SHANK2: variants seen among roughly 807,000 people sequenced by gnomAD.
SHANK2 encodes the protein SH3 and multiple ankyrin repeat domains 2.
In SHANK2, 43 loss-of-function variants were observed where a neutral mutation model predicts 133.7. The observed-to-expected ratio is 0.32, with a 90% confidence interval of 0.25 to 0.41. SHANK2 has a LOEUF of 0.41. SHANK2 is among the 10% of genes least tolerant of loss of function. The probability of loss-of-function intolerance (pLI) is 1.00; values close to 1 mark genes in which losing one functional copy is unlikely to be tolerated. For missense variants in SHANK2, 1,994 were observed against 2,235.8 expected (o/e 0.89, Z 2.18); for synonymous variants, 1,017 against 952.8 (o/e 1.07, Z -1.24).
intron 10 of SHANK2, among the ~76,000 whole-genome samples, chr11:70,953,783 T>A (rs1237709333): frequency 2.6e-5 from 4 of 152,130 alleles, no homozygotes; most frequent in Non-Finnish European, 5.9e-5. Context: ...TACTTGACCA[T>A]CCCTGCGGGC....
At chr11:70,827,733 A>AAC (rs1565345964) in intron 11 of SHANK2, among the ~76,000 whole-genome samples, 2 of 149,660 alleles carry the variant, frequency 1.3e-5, no homozygotes, top group Non-Finnish European at 3.0e-5. Context: ...ACACACAACC[A>AAC]GAGAAAGACG....
chr11:71,089,879 A>G (rs993881040), intron 8 of SHANK2, among the ~76,000 whole-genome samples: 23 of 152,176 alleles, frequency 1.5e-4, no homozygotes, highest in Admixed American at 3.3e-4. Context: ...GTTGGTTGAC[A>G]AAGGGGGAAG....
intron 11 of SHANK2, among the ~76,000 whole-genome samples, chr11:70,848,331 G>A (rs371053454): frequency 1.3e-5 from 2 of 152,214 alleles, no homozygotes; most frequent in East Asian, 1.9e-4. Flanking sequence ...ATTGTGGGGT[G>A]GGGGGTTTGA....
chr11:70,901,520 C>G (rs1397216014), intron 10 of SHANK2, among the ~76,000 whole-genome samples: 3 of 152,200 alleles, frequency 2.0e-5, no homozygotes, highest in Non-Finnish European at 4.4e-5. Flanking sequence ...GAACTCTGCT[C>G]TCTACAGCTC....
At chr11:70,913,541 C>G (rs1249179370) in intron 10 of SHANK2, among the ~76,000 whole-genome samples, 1 of 152,056 alleles carries the variant, frequency 6.6e-6, no homozygotes, top group Non-Finnish European at 1.5e-5. Flanking sequence ...GGGAGGGAGA[C>G]CAAGAGGGAA....
At chr11:70,653,252 C>T (rs189710992) in intron 17 of SHANK2, among the ~76,000 whole-genome samples, 14 of 152,238 alleles carry the variant, frequency 9.2e-5, no homozygotes, top group Non-Finnish European at 1.6e-4. Flanking sequence ...GGATTACAGG[C>T]GTGAGCCACT....
intron 15 of SHANK2, among the ~76,000 whole-genome samples, chr11:70,670,412 G>A (rs1211678410): frequency 2.6e-5 from 4 of 152,230 alleles, no homozygotes; most frequent in Admixed American, 1.3e-4. Context: ...GACCCAACAG[G>A]TGTCCCAGCT....
At chr11:71,111,045 C>T (rs1366724787) in intron 5 of SHANK2, among the ~76,000 whole-genome samples, 2 of 152,236 alleles carry the variant, frequency 1.3e-5, no homozygotes, top group Admixed American at 1.3e-4. Flanking sequence ...TGGCCAGATG[C>T]TGAACCTGCC....
intron 10 of SHANK2, among the ~76,000 whole-genome samples, chr11:70,927,874 G>A (rs1458453124): frequency 1.3e-5 from 2 of 152,098 alleles, no homozygotes; most frequent in Non-Finnish European, 2.9e-5. Flanking sequence ...AAGAGGAAGG[G>A]GGCATTAGCT....
chr11:70,596,878 T>C (rs150688654), intron 17 of SHANK2, among the ~76,000 whole-genome samples: 96 of 152,234 alleles, frequency 6.3e-4, no homozygotes, highest in African/African-American at 2.3e-3. Flanking sequence ...TGGCACAACA[T>C]GGGCACAGGC....
chr11:70,485,907 G>T lies in SHANK2; in HGVS notation c.4386C>A (p.Ser1462Arg). Residue 1462 changes from serine to arginine, a missense_variant, in exon 25 of 26, where the codon AGC (serine) becomes AGA (arginine). By Grantham distance (110) the Ser-to-Arg change is moderately radical. This residue lies in a region of SHANK2 where 797 missense variants were observed against 907.4 expected (regional missense o/e 0.88). Transcript: ENST00000601538. This position sits in a 1 kb window ranked among gnomAD's most constrained non-coding sequence, Gnocchi z 5.8. ...AGTTTGAAAGACTGGCTGGCTTCTT[G>T]CTGTCTGCAGAGTTGGTTGGTTGGC... is the stretch of plus-strand genomic sequence containing the variant. The part of the protein sequence containing the change: ...NSSQPTNSAD[S>R]KKPASLSNCL... 6.2e-7 allele frequency: 1 copy of T among 1,614,128 alleles called. No homozygotes were observed. The highest frequency in any genetic ancestry group is 8.5e-7 in the Non-Finnish European group (1 of 1,180,038).
chr11:71,151,024 G>A (rs782440543), intron 2 of SHANK2, among the ~76,000 whole-genome samples: 42 of 152,056 alleles, frequency 2.8e-4, no homozygotes, highest in Admixed American at 4.6e-4. Flanking sequence ...GCACCGAGCC[G>A]TGTGGCCCTC....
rs150243600 is a variant in SHANK2 at position 71,103,876 on chromosome 11, C to T, written c.592+6065G>A. On this transcript the variant is annotated intron_variant, in intron 6 of 25. Transcript: ENST00000601538. ...CCCCTCCCCTTCTCCCTCTCCCCCC[C>T]TCTTTCTCTCTCTCTCTCCTGCTTT... is the stretch of plus-strand genomic sequence containing the variant. 9.0e-3 allele frequency among the ~76,000 whole-genome samples: 1,212 copies of T among 134,782 alleles called. 26 individuals are homozygous for T. Among genetic ancestry groups the T allele is most frequent in the African/African-American group, 0.032 (1,141 of 35,912 alleles). The allele number at this position is 134,782 out of a possible 152,430, so 88.4% of individuals were successfully genotyped here. A position where few individuals can be genotyped will look rare whatever the true frequency, so the allele number is the denominator to read the frequency against.
chr11:71,106,107 C>G (rs1951798845), intron 6 of SHANK2, among the ~76,000 whole-genome samples: 1 of 152,226 alleles, frequency 6.6e-6, no homozygotes, highest in African/African-American at 2.4e-5. Context: ...ACTCACAGTA[C>G]TTCTATTCAA....
chr11:70,562,176 A>G (rs1294687285), intron 17 of SHANK2, among the ~76,000 whole-genome samples: 1 of 152,210 alleles, frequency 6.6e-6, no homozygotes, highest in Non-Finnish European at 1.5e-5. Flanking sequence ...TATGACTTGA[A>G]TAGTTCCAAA....
intron 15 of SHANK2, among the ~76,000 whole-genome samples, chr11:70,674,733 A>G (rs1200045747): frequency 1.3e-5 from 2 of 152,184 alleles, no homozygotes; most frequent in Non-Finnish European, 1.5e-5. Flanking sequence ...TTGAGGGTGG[A>G]TGGGTGGTCC....
chr11:70,844,859 T>C (rs1948971442), intron 11 of SHANK2, among the ~76,000 whole-genome samples: 1 of 152,126 alleles, frequency 6.6e-6, no homozygotes, highest in Admixed American at 6.5e-5. Context: ...TCACCAGAGT[T>C]ATGCCAATTT....
At chr11:70,527,881 C>T (rs1300950195) in intron 17 of SHANK2, among the ~76,000 whole-genome samples, 2 of 152,246 alleles carry the variant, frequency 1.3e-5, no homozygotes, top group Non-Finnish European at 2.9e-5. Context: ...CAGCCAGACT[C>T]CCGCCCATGC....
At chr11:71,090,625 C>CTGTGTGTGTGTGTG (rs782587800) in intron 8 of SHANK2, among the ~76,000 whole-genome samples, 1 of 102,896 alleles carries the variant, frequency 9.7e-6, no homozygotes. Flanking sequence ...AACACAACCT[C>CTGTGTGTGTGTGTG]TGTGTGTGTG....
Sources: gnomAD v4.1 joint callset for allele counts (sites outside exome capture counted in the v4.1 genomes callset) on GRCh38, gnomAD v4.1.1 for gene constraint, gnomAD v4.1.1 regional missense constraint, Gnocchi (gnomAD v3.1) non-coding constraint, MANE v1.5 for transcripts, NCBI Gene and HGNC (gene_info 2026-07-23, HGNC 2026-07-21) for gene names.